The following CCR6 variants were observed in gnomAD, a reference collection of about 807,000 sequenced individuals.
The protein encoded by CCR6 is C-C motif chemokine receptor 6.
Under a neutral mutation model 3.0 loss-of-function variants are expected in CCR6, and 2 were observed. The ratio of observed to expected loss-of-function variants is 0.66; its 90% CI spans 0.27 to 2.07. The LOEUF (loss-of-function observed/expected upper bound fraction) is 2.07. CCR6 is among the 30% of genes most tolerant of loss of function. The pLI, the probability that CCR6 is intolerant of heterozygous loss-of-function variation, is 0.14. For synonymous variants in CCR6, 193 were observed against 184.3 expected (o/e 1.05, Z -0.38); for missense variants, 322 against 462.8 (o/e 0.70, Z 2.79).
At chr6:167,120,637 A>G (rs1781571258), upstream of CCR6, among the ~76,000 whole-genome samples, 1 of 152,196 alleles carries the variant, frequency 6.6e-6, no homozygotes, top group South Asian at 2.1e-4. Context: ...GCAACTCCTT[A>G]TGACTGTTAT....
In CCR6 at chr6:167,136,786, A is replaced by G. The variant is rs1265356366; in HGVS notation, c.556A>G (p.Asn186Asp). 5 of 1,613,950 alleles carry G rather than the reference A, an allele frequency of 3.1e-6. No individual in the cohort carries two copies. The highest frequency in any genetic ancestry group is 4.2e-6 in the Non-Finnish European group (5 of 1,180,032). The stretch of plus-strand genomic sequence containing the variant: ...CATCTCCAGCTCAACTTTTGTCTTC[A>G]ACCAAAAATACAACACCCAAGGCAG... ...VIISSSTFVF[N>D]QKYNTQGSDV... The change falls in exon 3 of 3, where the codon AAC becomes GAC. Residue 186 changes from asparagine to aspartate, a missense_variant. Physicochemically the swap from Asn to Asp is conservative, Grantham distance 23. Coordinates refer to ENST00000341935, the MANE Select transcript of CCR6 (RefSeq NM_031409.4). The surrounding 1 kb of genome is among the most constrained non-coding windows in gnomAD (Gnocchi z 4.6).
At chr6:167,119,653 C>T (rs570852680), upstream of CCR6, among the ~76,000 whole-genome samples, 13 of 152,334 alleles carry the variant, frequency 8.5e-5, no homozygotes, top group Admixed American at 2.0e-4. Flanking sequence ...TTGACATCTT[C>T]GTAAACTCCA....
intron 1 of CCR6, chr6:167,114,937 C>A (rs1171767430): frequency 1.3e-5 from 2 of 152,168 alleles, no homozygotes; most frequent in Non-Finnish European, 2.9e-5. Context: ...ATAGGAGATC[C>A]CCAACCTAAA....
At position 167,137,456 on chromosome 6, in the gene CCR6, G is replaced by C; in HGVS notation, c.*101G>C. 1 of 1,107,516 alleles carries C rather than the reference G, an allele frequency of 9.0e-7. No homozygotes were observed. The highest frequency in any genetic ancestry group is 1.3e-6 in the Non-Finnish European group (1 of 785,400). 68.6% of individuals were successfully genotyped at this position (1,107,516 alleles called of 1,614,324 possible). A position where few individuals can be genotyped will look rare whatever the true frequency, so the allele number is the denominator to read the frequency against. On this transcript the variant is annotated 3_prime_UTR_variant, in exon 3 of 3. Coordinates refer to ENST00000341935, the MANE Select transcript of CCR6 (RefSeq NM_031409.4). The surrounding 1 kb of genome is among the most constrained non-coding windows in gnomAD (Gnocchi z 4.6). ...TATGCATGGAAAATGTGGGAATTAA[G>C]CAAAATCAAGCAAGCCTCTCTCCTG...
chr6:167,115,178 G>A (rs1781474331), intron 1 of CCR6: 1 of 152,264 alleles, frequency 6.6e-6, no homozygotes, highest in Non-Finnish European at 1.5e-5. Flanking sequence ...CTCAGACACT[G>A]GATGGGGGTC....
At chr6:167,121,698 C>G (rs1056426590), upstream of CCR6, among the ~76,000 whole-genome samples, 44 of 152,208 alleles carry the variant, frequency 2.9e-4, no homozygotes, top group African/African-American at 1.1e-3. Flanking sequence ...CAGGGCTTCT[C>G]TCAGATGGAG....
chr6:167,136,717 C>A lies in CCR6; in HGVS notation c.487C>A (p.Arg163Ser), dbSNP rs747278885. The A allele has an allele frequency of 2.0e-5, 33 of 1,614,056 alleles. No individual in the cohort carries two copies. Among genetic ancestry groups the A allele is most frequent in the Middle Eastern group, 1.6e-4 (1 of 6,062 alleles). The change falls in exon 3 of 3, where the codon CGC (arginine) becomes AGC (serine). Residue 163 changes from arginine (R) to serine (S), a missense_variant. Arg to Ser is a moderately radical substitution (Grantham distance 110). Coordinates refer to ENST00000341935, the MANE Select transcript of CCR6 (RefSeq NM_031409.4). The surrounding 1 kb of genome is among the most constrained non-coding windows in gnomAD (Gnocchi z 4.6). ...SFRLRSRTLPRSKIICLVVWG... is the reference protein window; with the variant it reads ...SFRLRSRTLPSSKIICLVVWG... ...CCGGCTCCGATCCAGAACACTACCG[C>A]GCAGCAAAATCATCTGCCTTGTTGT...
chr6:167,128,937 T>C (rs1781712201), intron 1 of CCR6, among the ~76,000 whole-genome samples: 1 of 152,150 alleles, frequency 6.6e-6, no homozygotes, highest in African/African-American at 2.4e-5. Flanking sequence ...ACATTAGATT[T>C]ACCCATTGCT....
intron 1 of CCR6, among the ~76,000 whole-genome samples, chr6:167,126,852 C>T (rs1487886673): frequency 6.6e-6 from 1 of 152,150 alleles, no homozygotes; most frequent in Non-Finnish European, 1.5e-5. Flanking sequence ...AGGGGGCTTC[C>T]CTCTTCGCTG....
chr6:167,127,023 T>A (rs1781677781), intron 1 of CCR6: 1 of 152,242 alleles, frequency 6.6e-6, no homozygotes, highest in East Asian at 1.9e-4. Flanking sequence ...ATGTCTTTAT[T>A]AGCAGTGTGA....
chr6:167,120,202 G>A (rs74338044), upstream of CCR6, among the ~76,000 whole-genome samples: 1,681 of 152,158 alleles, frequency 0.011, 31 homozygotes, highest in African/African-American at 0.038. Context: ...GAGAGTGGGT[G>A]GGAGCCATGT....
At chr6:167,124,826 C>T (rs1391089932) in intron 1 of CCR6, among the ~76,000 whole-genome samples, 2 of 149,714 alleles carry the variant, frequency 1.3e-5, no homozygotes, top group Non-Finnish European at 3.0e-5. Context: ...CATATGCGTG[C>T]ATATATACAT....
intron 1 of CCR6, among the ~76,000 whole-genome samples, chr6:167,124,798 C>T (rs1427157919): frequency 4.3e-5 from 5 of 117,240 alleles, no homozygotes; most frequent in African/African-American, 1.2e-4. Flanking sequence ...AGCATATGCG[C>T]GCACACACAC....
chr6:167,127,253 A>C (rs959418272), intron 1 of CCR6: 2 of 151,896 alleles, frequency 1.3e-5, no homozygotes, highest in Non-Finnish European at 2.9e-5. Context: ...CTGGCCTCAA[A>C]AATTTCCCAA....
At chr6:167,130,089 A>G (rs1409100699) in intron 1 of CCR6, among the ~76,000 whole-genome samples, 1 of 151,780 alleles carries the variant, frequency 6.6e-6, no homozygotes, top group African/African-American at 2.4e-5. Context: ...TTTAAGAATC[A>G]GTTGAGCTGA....
intron 1 of CCR6, among the ~76,000 whole-genome samples, chr6:167,128,528 G>T (rs1781706294): frequency 6.6e-6 from 1 of 152,182 alleles, no homozygotes; most frequent in Non-Finnish European, 1.5e-5. Context: ...TGCTGCTGCT[G>T]CACTTTCATC....
chr6:167,135,207 C>T (rs1781831859), intron 1 of CCR6: 1 of 152,326 alleles, frequency 6.6e-6, no homozygotes, highest in South Asian at 2.1e-4. Context: ...TGGCGGTTCT[C>T]TGTCAATCAT....
Position 167,137,139 on chromosome 6 carries a change from C to T in CCR6, c.909C>T (p.Val303=), listed in dbSNP as rs761768900. 32 of 1,614,016 alleles carry T rather than the reference C, an allele frequency of 2.0e-5. No homozygotes were observed. The highest frequency in any genetic ancestry group is 3.3e-5 in the South Asian group (3 of 91,076). The change falls in exon 3 of 3, where the codon GTC becomes GTT. Residue 303 remains valine, a synonymous_variant. Coordinates refer to ENST00000341935, the MANE Select transcript of CCR6 (RefSeq NM_031409.4). The surrounding 1 kb of genome is among the most constrained non-coding windows in gnomAD (Gnocchi z 4.6). ...LIGYTKTVTE[V]LAFLHCCLNP... ...GCTATACGAAAACTGTCACAGAAGT[C>T]CTGGCTTTCCTGCACTGCTGCCTGA...
chr6:167,123,603 G>A (rs904184239), intron 1 of CCR6, among the ~76,000 whole-genome samples: 14 of 152,154 alleles, frequency 9.2e-5, no homozygotes, highest in African/African-American at 3.4e-4. Context: ...GAAATATTTT[G>A]GAGGCAGTAA....
Sources: allele counts gnomAD v4.1 joint callset (sites outside exome capture counted in the v4.1 genomes callset), GRCh38; gene constraint gnomAD v4.1.1; non-coding constraint Gnocchi (gnomAD v3.1); transcripts MANE v1.5; gene names NCBI Gene and HGNC (gene_info 2026-07-23, HGNC 2026-07-21).